TAFA2: variants seen among roughly 807,000 people sequenced by gnomAD.
TAFA2 encodes chemokine-like protein TAFA-2.
TAFA2 carries 7 observed loss-of-function variants against 18.8 expected under a neutral mutation model. That is an observed-to-expected ratio of 0.37 (90% confidence interval 0.21 to 0.70). The LOEUF (loss-of-function observed/expected upper bound fraction) is 0.70, where lower values mean the gene tolerates loss of function less well. Ranked by LOEUF, TAFA2 falls within the 30% of genes least tolerant of loss-of-function variation. The probability of loss-of-function intolerance (pLI) is 0.53; values close to 1 mark genes in which losing one functional copy is unlikely to be tolerated. For synonymous variants in TAFA2, 60 were observed against 54.2 expected (o/e 1.11, Z -0.47); for missense variants, 122 against 158.1 (o/e 0.77, Z 1.23).
At chr12:61,915,048 C>T (rs2121351676) in intron 1 of TAFA2, among the ~76,000 whole-genome samples, 1 of 152,220 alleles carries the variant, frequency 6.6e-6, no homozygotes, top group Non-Finnish European at 1.5e-5. Context: ...GTAATCCTAG[C>T]TACCCAGGAG....
chr12:62,106,836 G>A lies in TAFA2; in HGVS notation c.-2+84423C>T, dbSNP rs368837475. Among the ~76,000 whole-genome samples, 8 of 152,012 alleles carry A rather than the reference G, an allele frequency of 5.3e-5. No homozygotes were observed. In the East Asian group the frequency reaches 5.8e-4, roughly 11 times the overall value. On this transcript the variant is annotated intron_variant, in intron 1 of 4. Coordinates refer to ENST00000416284, the MANE Select transcript of TAFA2 (RefSeq NM_178539.5). ...AGCAGCAATTGAAAGACTTGTAAAAGAGCTCATTTTACTGCAATAGAGCGT... is the reference window on the plus strand; with the variant it reads ...AGCAGCAATTGAAAGACTTGTAAAAAAGCTCATTTTACTGCAATAGAGCGT...
chr12:61,975,088 T>G (rs1308854452), intron 1 of TAFA2, among the ~76,000 whole-genome samples: 1 of 151,786 alleles, frequency 6.6e-6, no homozygotes, highest in African/African-American at 2.4e-5. Context: ...ATATGCATAG[T>G]GAAATGATTG....
At chr12:61,897,856 C>T (rs891955137) in intron 1 of TAFA2, among the ~76,000 whole-genome samples, 7 of 152,184 alleles carry the variant, frequency 4.6e-5, no homozygotes, top group Non-Finnish European at 8.8e-5. Flanking sequence ...TCAGCATTAA[C>T]CCAAAACTCC....
At chr12:61,719,196 T>C (rs1309914463) in intron 4 of TAFA2, among the ~76,000 whole-genome samples, 1 of 152,094 alleles carries the variant, frequency 6.6e-6, no homozygotes, top group East Asian at 1.9e-4. Context: ...CAGTTTATAG[T>C]TTAAGTAATA....
chr12:61,739,012 C>T (rs968418720), intron 4 of TAFA2, among the ~76,000 whole-genome samples: 40 of 151,906 alleles, frequency 2.6e-4, no homozygotes, highest in African/African-American at 6.0e-4. Flanking sequence ...CACATATAGC[C>T]CTTATACTTG....
chr12:62,163,799 T>C (rs1229446963), intron 1 of TAFA2, among the ~76,000 whole-genome samples: 1 of 152,030 alleles, frequency 6.6e-6, no homozygotes, highest in East Asian at 1.9e-4. Flanking sequence ...CTGCAAAGAA[T>C]CTTCAAAAAG....
intron 1 of TAFA2, among the ~76,000 whole-genome samples, chr12:61,907,970 A>T (rs1472754233): frequency 6.6e-6 from 1 of 152,160 alleles, no homozygotes; most frequent in Non-Finnish European, 1.5e-5. Context: ...ATATTACCCA[A>T]TGTCTGTACC....
Position 61,709,178 on chromosome 12 carries a change from G to A in TAFA2, c.*1228C>T, listed in dbSNP as rs1199761161. The stretch of plus-strand genomic sequence containing the variant: ...ACATTCTATAACTTAGAAAAAAAAA[G>A]TACATACATGTTTAAGGCCTTTAAA... On this transcript the variant is annotated 3_prime_UTR_variant, in exon 5 of 5. Coordinates refer to ENST00000416284, the MANE Select transcript of TAFA2 (RefSeq NM_178539.5). The A allele has an allele frequency of 2.0e-5, 3 of 152,304 alleles. No individual in the cohort carries two copies. Among genetic ancestry groups the A allele is most frequent in the Non-Finnish European group, 2.9e-5 (2 of 67,942 alleles). The allele number at this position is 152,304 out of a possible 1,614,324, so 9.4% of individuals were successfully genotyped here. A position where few individuals can be genotyped will look rare whatever the true frequency, so the allele number is the denominator to read the frequency against.
intron 2 of TAFA2, among the ~76,000 whole-genome samples, chr12:61,849,010 T>G (rs1873526218): frequency 6.6e-6 from 1 of 152,048 alleles, no homozygotes; most frequent in African/African-American, 2.4e-5. Context: ...GCTGGCTAAT[T>G]TTTTGTATTT....
chr12:62,244,665 G>GT (rs1314556279), intron 1 of TAFA2, among the ~76,000 whole-genome samples: 1 of 151,968 alleles, frequency 6.6e-6, no homozygotes, highest in African/African-American at 2.4e-5. Context: ...CCCCAAAGTA[G>GT]TTTTTTTCTA....
chr12:61,897,812 C>T (rs971071839), intron 1 of TAFA2, among the ~76,000 whole-genome samples: 5 of 152,172 alleles, frequency 3.3e-5, no homozygotes, highest in African/African-American at 1.2e-4. Context: ...ACCTATCATG[C>T]CTTCCCAACA....
chr12:61,921,203 T>C (rs1877038386), intron 1 of TAFA2, among the ~76,000 whole-genome samples: 1 of 152,200 alleles, frequency 6.6e-6, no homozygotes, highest in Non-Finnish European at 1.5e-5. Context: ...TAGGTTTTAA[T>C]TAATCATCCT....
At chr12:61,761,836 T>A (rs1869561136) in intron 2 of TAFA2, among the ~76,000 whole-genome samples, 1 of 152,072 alleles carries the variant, frequency 6.6e-6, no homozygotes, top group Non-Finnish European at 1.5e-5. Flanking sequence ...TCAAATCCCA[T>A]GCTGAAATGT....
chr12:61,859,127 A>G (rs1018760152), intron 2 of TAFA2, among the ~76,000 whole-genome samples: 2 of 152,272 alleles, frequency 1.3e-5, no homozygotes, highest in Non-Finnish European at 2.9e-5. Context: ...ACAGTTAAGC[A>G]TGGTTAGGAA....
intron 1 of TAFA2, among the ~76,000 whole-genome samples, chr12:62,234,111 A>G (rs2062824670): frequency 6.6e-6 from 1 of 152,214 alleles, no homozygotes; most frequent in Non-Finnish European, 1.5e-5. Context: ...AGATAGAGAC[A>G]TGTCCAATGG....
intron 1 of TAFA2, among the ~76,000 whole-genome samples, chr12:61,879,143 A>G (rs1421591937): frequency 1.3e-5 from 2 of 152,226 alleles, no homozygotes; most frequent in African/African-American, 4.8e-5. Context: ...ACTACACTCC[A>G]GCCTGGGCAA....
intron 1 of TAFA2, among the ~76,000 whole-genome samples, chr12:61,939,070 T>A (rs1046082370): frequency 2.0e-5 from 3 of 152,170 alleles, no homozygotes; most frequent in Non-Finnish European, 2.9e-5. Flanking sequence ...TGAATTCTTT[T>A]TAAAAAAGTA....
intron 1 of TAFA2, among the ~76,000 whole-genome samples, chr12:61,910,091 TG>T (rs2121340302): frequency 1.3e-5 from 1 of 78,824 alleles, no homozygotes; most frequent in African/African-American, 8.3e-5. Context: ...CTTGTGTGTG[TG>T]TGTGTGTTTG....
At chr12:61,942,399 T>C (rs1472162531) in intron 1 of TAFA2, among the ~76,000 whole-genome samples, 2 of 151,502 alleles carry the variant, frequency 1.3e-5, no homozygotes, top group East Asian at 3.9e-4. Flanking sequence ...AGAGAGCCTC[T>C]CCTCCTCCAA....
Sources: allele counts gnomAD v4.1 joint callset (sites outside exome capture counted in the v4.1 genomes callset), GRCh38; gene constraint gnomAD v4.1.1; transcripts MANE v1.5; gene names NCBI Gene and HGNC (gene_info 2026-07-23, HGNC 2026-07-21).